Variants in CCDC148 observed in about 807,000 individuals in gnomAD.
CCDC148 encodes coiled-coil domain containing 148.
A neutral mutation model predicts 85.7 loss-of-function variants in CCDC148; 89 were observed. That is an observed-to-expected ratio of 1.04 (90% CI 0.87 to 1.24). The LOEUF is 1.24. CCDC148 is among the 50% of genes most tolerant of loss of function. The pLI is 0.00. For synonymous variants in CCDC148, 230 were observed against 213.9 expected, an observed-to-expected ratio of 1.08 and a Z score of -0.66; for missense variants, 692 against 671.7, an observed-to-expected ratio of 1.03 and a Z score of -0.33.
At chr2:158,281,515 T>C (rs1295312444) in intron 9 of CCDC148, among the ~76,000 whole-genome samples, 1 of 151,794 alleles carries the variant, frequency 6.6e-6, no homozygotes, top group Non-Finnish European at 1.5e-5. Context: ...GCAAATAAAC[T>C]AGAAAATCCA....
At chr2:158,186,517 A>G (rs1055001481) in intron 11 of CCDC148, among the ~76,000 whole-genome samples, 3 of 152,008 alleles carry the variant, frequency 2.0e-5, no homozygotes, top group Admixed American at 6.6e-5. Context: ...CAAGATTTCC[A>G]TTGTTCAACA....
chr2:158,339,197 C>A, intron 5 of CCDC148, 112 bp from the exon 6 acceptor site: 1 of 828,544 alleles, frequency 1.2e-6, no homozygotes, highest in Non-Finnish European at 1.9e-6. Flanking sequence ...AGTTTAAAGA[C>A]CTGTGGAAGA....
chr2:158,378,692 GA>G (rs1476584355), intron 1 of CCDC148, among the ~76,000 whole-genome samples: 1 of 152,096 alleles, frequency 6.6e-6, no homozygotes, highest in African/African-American at 2.4e-5. Flanking sequence ...TTACCATTCT[GA>G]AAATCCTGGG....
In CCDC148 at chr2:158,171,162, A is replaced by G. The variant is rs1684311422; in HGVS notation, c.*951T>C. On this transcript the variant is annotated 3_prime_UTR_variant, in exon 14 of 14. Transcript: ENST00000283233. Reference sequence around the variant, plus strand: ...CAATCATAAAGTCAAAGATTCCACTAGTTGGATTGGGCTTTTTTTTTTTTA... The same window carrying G: ...CAATCATAAAGTCAAAGATTCCACTGGTTGGATTGGGCTTTTTTTTTTTTA... 7.7e-6 allele frequency: 1 copy of G among 129,208 alleles called. No homozygotes were observed. Among genetic ancestry groups the G allele is most frequent in the Admixed American group, 8.4e-5 (1 of 11,912 alleles). The allele number at this position is 129,208 out of a possible 1,614,324, so 8.0% of individuals were successfully genotyped here.
Position 158,278,839 on chromosome 2 carries a change from G to A in CCDC148, c.1111-27927C>T, listed in dbSNP as rs528499804. Among the ~76,000 whole-genome samples the A allele has an allele frequency of 3.3e-5, 5 of 152,358 alleles. No individual in the cohort carries two copies. The South Asian group carries it at 6.2e-4, about 19-fold the overall frequency. ...AGACTGCCTCCTCAAGTGGGTCTCC[G>A]ACCCCTGACCCCTGAGCAGCCTAAC... On this transcript the variant is annotated intron_variant, in intron 9 of 13. Coordinates refer to ENST00000283233, the MANE Select transcript of CCDC148 (RefSeq NM_138803.4).
At chr2:158,308,713 G>T (rs924254390) in intron 9 of CCDC148, among the ~76,000 whole-genome samples, 1 of 152,086 alleles carries the variant, frequency 6.6e-6, no homozygotes, top group African/African-American at 2.4e-5. Context: ...TCCTGGGGAG[G>T]CCATATCCAC....
At chr2:158,425,171 A>C in intron 1 of CCDC148, 1 of 524,112 alleles carries the variant, frequency 1.9e-6, no homozygotes, top group Non-Finnish European at 3.8e-6. Flanking sequence ...GCTATGGCAG[A>C]TATGATCATG....
At chr2:158,455,169 G>C (rs1217745688) in intron 1 of CCDC148, among the ~76,000 whole-genome samples, 1 of 152,002 alleles carries the variant, frequency 6.6e-6, no homozygotes, top group Non-Finnish European at 1.5e-5. Context: ...TACTTTTTCT[G>C]TTCTATAAAC....
intron 2 of CCDC148, among the ~76,000 whole-genome samples, chr2:158,345,680 A>C (rs1469069305): frequency 6.6e-6 from 1 of 152,172 alleles, no homozygotes; most frequent in African/African-American, 2.4e-5. Context: ...CCTGTCAGGC[A>C]TAATAGCCAT....
intron 1 of CCDC148, among the ~76,000 whole-genome samples, chr2:158,430,017 A>G (rs1574807091): frequency 6.6e-6 from 1 of 152,328 alleles, no homozygotes; most frequent in South Asian, 2.1e-4. Flanking sequence ...AAATCAGTTC[A>G]TAAATCTGCA....
intron 2 of CCDC148, among the ~76,000 whole-genome samples, chr2:158,348,560 C>T (rs543645895): frequency 2.4e-4 from 37 of 151,944 alleles, no homozygotes; most frequent in African/African-American, 8.9e-4. Context: ...AAGACATTAA[C>T]ATTTTTAGAC....
At chr2:158,318,165 T>G (rs1036174948) in intron 7 of CCDC148, among the ~76,000 whole-genome samples, 2 of 152,196 alleles carry the variant, frequency 1.3e-5, no homozygotes, top group African/African-American at 4.8e-5. Flanking sequence ...TGTCCAGATA[T>G]AAATCTGTCT....
chr2:158,283,739 C>G (rs1285142349), intron 9 of CCDC148, among the ~76,000 whole-genome samples: 12 of 151,808 alleles, frequency 7.9e-5, no homozygotes, highest in Admixed American at 2.0e-4. Flanking sequence ...GGATCTAGAA[C>G]TAGAAATACC....
intron 11 of CCDC148, among the ~76,000 whole-genome samples, chr2:158,213,187 A>G (rs1305343002): frequency 6.6e-6 from 1 of 152,196 alleles, no homozygotes; most frequent in East Asian, 1.9e-4. Flanking sequence ...TTGACTGATA[A>G]AGTTCTTAGA....
intron 1 of CCDC148, among the ~76,000 whole-genome samples, chr2:158,361,105 C>T (rs971437002): frequency 4.0e-5 from 6 of 151,114 alleles, no homozygotes; most frequent in African/African-American, 9.7e-5. Flanking sequence ...TAAAATAAAG[C>T]GTGAAGACAA....
chr2:158,255,970 T>C (rs1009579711), intron 9 of CCDC148, among the ~76,000 whole-genome samples: 5 of 151,764 alleles, frequency 3.3e-5, no homozygotes, highest in African/African-American at 1.2e-4. Flanking sequence ...ATTAATGGTT[T>C]AAAATGAAAA....
At chr2:158,307,453 T>A (rs1691746957) in intron 9 of CCDC148, among the ~76,000 whole-genome samples, 1 of 152,238 alleles carries the variant, frequency 6.6e-6, no homozygotes, top group Admixed American at 6.5e-5. Context: ...CTGAATTCGG[T>A]TGCAAATTTG....
chr2:158,435,787 C>T (rs1559143605), intron 1 of CCDC148, among the ~76,000 whole-genome samples: 1 of 151,798 alleles, frequency 6.6e-6, no homozygotes, highest in Non-Finnish European at 1.5e-5. Flanking sequence ...GGAAGATCTA[C>T]CAAGAAAATA....
At chr2:158,444,044 AT>A (rs1422436825) in intron 1 of CCDC148, among the ~76,000 whole-genome samples, 1 of 152,226 alleles carries the variant, frequency 6.6e-6, no homozygotes, top group Non-Finnish European at 1.5e-5. Flanking sequence ...GCCAAATAAT[AT>A]TTTAGAGTAA....
Sources: allele counts gnomAD v4.1 joint callset (sites outside exome capture counted in the v4.1 genomes callset), GRCh38; gene constraint gnomAD v4.1.1; transcripts MANE v1.5; gene names NCBI Gene and HGNC (gene_info 2026-07-23, HGNC 2026-07-21).